The following MCC variants were observed in gnomAD, a reference collection of about 807,000 sequenced individuals.
MCC encodes colorectal mutant cancer protein.
In MCC, 90 loss-of-function variants were observed where a neutral mutation model predicts 116.2. The observed-to-expected ratio is 0.77, with a 90% CI of 0.65 to 0.92. The LOEUF (loss-of-function observed/expected upper bound fraction) is 0.92. Among genes scored for constraint, MCC ranks in the 40% least tolerant of loss-of-function variants. The pLI, the probability that MCC is intolerant of heterozygous loss-of-function variation, is 0.00. For missense variants in MCC, 1,516 were observed against 1,312.2 expected (o/e 1.16, Z -2.40); for synonymous variants, 578 against 510.5 (o/e 1.13, Z -1.78).
At chr5:113,260,153 G>A (rs1001285366) in intron 3 of MCC, among the ~76,000 whole-genome samples, 10 of 151,736 alleles carry the variant, frequency 6.6e-5, no homozygotes, top group Non-Finnish European at 8.8e-5. Context: ...TTCAGGATCC[G>A]TTTACACCCT....
chr5:113,433,340 G>A (rs56081130), intron 1 of MCC: 28,559 of 346,256 alleles, frequency 0.082, 2,253 homozygotes, highest in African/African-American at 0.27. Flanking sequence ...GCAGGGTCAC[G>A]CAACTGCCCC....
At chr5:113,397,995 A>G (rs867841865) in intron 1 of MCC, among the ~76,000 whole-genome samples, 1 of 152,236 alleles carries the variant, frequency 6.6e-6, no homozygotes, top group Non-Finnish European at 1.5e-5. Flanking sequence ...GTGAGCAAAA[A>G]ACAAATAACT....
rs563414861 is a variant in MCC at position 113,346,733 on chromosome 5, A to G, written c.416-6003T>C. On this transcript the variant is annotated intron_variant, in intron 2 of 18. Coordinates refer to ENST00000408903, the MANE Select transcript of MCC (RefSeq NM_001085377.2). ...TTCAAGTATAAGAAGGTTATAGAAC[A>G]CCAAGCAGATTTAACCCAAAGAAGA... 1.7e-3 allele frequency among the ~76,000 whole-genome samples: 253 copies of G among 152,336 alleles called. 1 individual carries two copies. The Middle Eastern group carries it at 0.017, about 10-fold the overall frequency.
chr5:113,321,670 T>C (rs577937117), intron 3 of MCC, among the ~76,000 whole-genome samples: 17 of 152,356 alleles, frequency 1.1e-4, no homozygotes, highest in African/African-American at 4.1e-4. Flanking sequence ...ATGCTCCCTA[T>C]TTCTCCAGTT....
At chr5:113,469,134 C>T (rs1408873840) in intron 1 of MCC, among the ~76,000 whole-genome samples, 1 of 152,140 alleles carries the variant, frequency 6.6e-6, no homozygotes, top group African/African-American at 2.4e-5. Context: ...AAAAAACCAG[C>T]TCCTGGATTC....
chr5:113,266,283 T>A (rs1392417661), intron 3 of MCC, among the ~76,000 whole-genome samples: 1 of 151,696 alleles, frequency 6.6e-6, no homozygotes, highest in Non-Finnish European at 1.5e-5. Context: ...TCACCAGCAA[T>A]TCTGAAAAAA....
intron 3 of MCC, among the ~76,000 whole-genome samples, chr5:113,165,128 C>G (rs1760700600): frequency 6.6e-6 from 1 of 152,236 alleles, no homozygotes; most frequent in African/African-American, 2.4e-5. Context: ...TCAAAGATGT[C>G]AGAATTGCAG....
chr5:113,197,154 G>A (rs775727470), intron 3 of MCC, among the ~76,000 whole-genome samples: 9 of 152,138 alleles, frequency 5.9e-5, no homozygotes, highest in Admixed American at 2.6e-4. Flanking sequence ...CCACTGTCAC[G>A]GGCTTCTTTC....
intron 2 of MCC, among the ~76,000 whole-genome samples, chr5:113,357,705 C>G (rs151250944): frequency 2.6e-5 from 4 of 152,284 alleles, no homozygotes; most frequent in African/African-American, 7.2e-5. Flanking sequence ...AGGAACACTA[C>G]TGGTAACGGA....
intron 3 of MCC, among the ~76,000 whole-genome samples, chr5:113,177,102 C>T (rs1254467177): frequency 1.3e-5 from 2 of 152,312 alleles, no homozygotes; most frequent in African/African-American, 4.8e-5. Context: ...GCTCCCACCC[C>T]CACACCATCT....
chr5:113,375,160 A>G (rs1484078774), intron 2 of MCC, among the ~76,000 whole-genome samples: 1 of 152,050 alleles, frequency 6.6e-6, no homozygotes, highest in Non-Finnish European at 1.5e-5. Context: ...CTCTTCTCCA[A>G]CTTATCATGA....
intron 3 of MCC, among the ~76,000 whole-genome samples, chr5:113,199,746 A>T (rs779926096): frequency 6.6e-6 from 1 of 152,212 alleles, no homozygotes; most frequent in Non-Finnish European, 1.5e-5. Context: ...GCTGAAGTAA[A>T]TGAGGCCAAG....
At chr5:113,213,633 AAG>A (rs767635004) in intron 3 of MCC, among the ~76,000 whole-genome samples, 51 of 152,322 alleles carry the variant, frequency 3.3e-4, no homozygotes, top group Non-Finnish European at 6.0e-4. Flanking sequence ...GCACGCGGGT[AAG>A]AGAGAAAAGG....
rs1488601082 is a variant in MCC at position 113,332,471 on chromosome 5, A to G, written c.627+8048T>C. ...ACGCCTATAATCCCAGCACTTTGGG[A>G]GTCTGAGGTGGGAAGACTGCTTGAG... On this transcript the variant is annotated intron_variant, in intron 3 of 18. Coordinates refer to ENST00000408903, the MANE Select transcript of MCC (RefSeq NM_001085377.2). Among the ~76,000 whole-genome samples the G allele has an allele frequency of 2.0e-5, 3 of 149,508 alleles. No individual in the cohort carries two copies. In the South Asian group the frequency reaches 6.4e-4, roughly 32 times the overall value.
At chr5:113,250,825 GA>G (rs746685657) in intron 3 of MCC, among the ~76,000 whole-genome samples, 5 of 151,122 alleles carry the variant, frequency 3.3e-5, no homozygotes, top group Non-Finnish European at 5.9e-5. Context: ...CTGATGACTG[GA>G]AATCTTGGGG....
chr5:113,096,066 T>C (rs544528010), intron 8 of MCC, among the ~76,000 whole-genome samples: 31 of 152,106 alleles, frequency 2.0e-4, no homozygotes, highest in Non-Finnish European at 4.0e-4. Flanking sequence ...CAGATGACCC[T>C]GGTGAAGGGA....
At chr5:113,478,765 T>C (rs1051873857) in intron 1 of MCC, among the ~76,000 whole-genome samples, 4 of 152,206 alleles carry the variant, frequency 2.6e-5, no homozygotes, top group African/African-American at 9.7e-5. Context: ...GATCCAATAA[T>C]GTGGCATCAT....
At chr5:113,082,747 G>A (rs1754944315) in intron 11 of MCC, 113 bp downstream of exon 11, 4 of 1,310,286 alleles carry the variant, frequency 3.1e-6, no homozygotes, top group Non-Finnish European at 3.2e-6. Context: ...CAGCCTGACG[G>A]TACTGCTCTA....
chr5:113,464,998 C>T (rs1410918881), intron 1 of MCC, among the ~76,000 whole-genome samples: 1 of 151,996 alleles, frequency 6.6e-6, no homozygotes, highest in Non-Finnish European at 1.5e-5. Context: ...TATCAATTCT[C>T]TTTACATCAA....
Sources: allele counts gnomAD v4.1 joint callset (sites outside exome capture counted in the v4.1 genomes callset), GRCh38; gene constraint gnomAD v4.1.1; transcripts MANE v1.5; gene names NCBI Gene and HGNC (gene_info 2026-07-23, HGNC 2026-07-21).